The following BACH2 variants were observed in gnomAD, a reference collection of about 807,000 sequenced individuals.
BACH2 encodes the protein BACH transcriptional regulator 2, also known as transcription regulator protein BACH2.
BACH2 carries 5 observed loss-of-function variants against 61.8 expected under a neutral mutation model. The observed-to-expected ratio is 0.08, with a 90% CI of 0.04 to 0.17. The LOEUF is 0.17. BACH2 is among the 10% of genes least tolerant of loss of function. The pLI, the probability that BACH2 is intolerant of heterozygous loss-of-function variation, is 1.00. For missense variants in BACH2, 824 were observed against 1,091.1 expected, an observed-to-expected ratio of 0.76 and a Z score of 3.45; for synonymous variants, 446 against 440.1, an observed-to-expected ratio of 1.01 and a Z score of -0.17.
chr6:90,291,023 A>G (rs1772161177), intron 1 of BACH2, among the ~76,000 whole-genome samples: 1 of 152,204 alleles, frequency 6.6e-6, no homozygotes, highest in Non-Finnish European at 1.5e-5. Context: ...GGCTCTCATC[A>G]CATCAGCAGC....
chr6:90,033,701 T>G (rs1779125937), intron 5 of BACH2, among the ~76,000 whole-genome samples: 2 of 150,654 alleles, frequency 1.3e-5, no homozygotes, highest in Admixed American at 6.6e-5. Context: ...GCTCACCTGT[T>G]AAAAAAAAAC....
At chr6:90,001,917 TTTCCC>T (rs1777152537) in intron 6 of BACH2, among the ~76,000 whole-genome samples, 2 of 152,346 alleles carry the variant, frequency 1.3e-5, no homozygotes, top group South Asian at 4.1e-4. Context: ...TTTGACACCG[TTTCCC>T]TCCAGCTACT....
intron 1 of BACH2, among the ~76,000 whole-genome samples, chr6:90,295,670 T>C (rs1582577539): frequency 6.6e-6 from 1 of 151,722 alleles, no homozygotes; most frequent in Non-Finnish European, 1.5e-5. Flanking sequence ...TGTGTGTGTG[T>C]GTGTGTGTGT....
At chr6:89,947,548 T>G (rs1251366932) in intron 7 of BACH2, among the ~76,000 whole-genome samples, 1 of 152,080 alleles carries the variant, frequency 6.6e-6, no homozygotes, top group Admixed American at 6.5e-5. Flanking sequence ...TGTTCAGGAA[T>G]GCAGAAGATG....
intron 5 of BACH2, among the ~76,000 whole-genome samples, chr6:90,060,340 T>C (rs1251587172): frequency 2.6e-5 from 4 of 152,186 alleles, no homozygotes; most frequent in Non-Finnish European, 5.9e-5. Flanking sequence ...TTCCTTATAG[T>C]TCCATCTCTT....
chr6:90,273,646 C>T (rs771537789), intron 1 of BACH2, among the ~76,000 whole-genome samples: 10 of 152,110 alleles, frequency 6.6e-5, no homozygotes, highest in Non-Finnish European at 1.5e-4. Flanking sequence ...TGTCAAGGCT[C>T]GGGTCTGATT....
At chr6:89,936,178 C>A (rs539421841) in intron 8 of BACH2, among the ~76,000 whole-genome samples, 80 of 152,140 alleles carry the variant, frequency 5.3e-4, no homozygotes, top group Non-Finnish European at 1.0e-3. Flanking sequence ...GGGAGACAGA[C>A]AAATGTATAG....
In BACH2 at chr6:90,114,049, G is replaced by A. The variant is rs144675188; in HGVS notation, c.-161-24940C>T. Among the ~76,000 whole-genome samples, 975 of 152,078 alleles carry A rather than the reference G, an allele frequency of 6.4e-3. 35 individuals carry two copies. Among genetic ancestry groups the A allele is most frequent in the Admixed American group, 0.06 (908 of 15,258 alleles). On this transcript the variant is annotated intron_variant, in intron 4 of 8. Transcript: ENST00000257749. ...TAAATAGCTTAGCAACCGAAAAAGC[G>A]CAAGACCTGATGGATTCACAGCTGA...
chr6:90,265,842 C>CT, intron 2 of BACH2, among the ~76,000 whole-genome samples: 1 of 152,168 alleles, frequency 6.6e-6, no homozygotes, highest in Non-Finnish European at 1.5e-5. Context: ...CAGAGAAGCA[C>CT]TGAGAACAGA....
chr6:89,939,683 G>A (rs1448439700), intron 7 of BACH2, among the ~76,000 whole-genome samples: 1 of 27,508 alleles, frequency 3.6e-5, no homozygotes, highest in Non-Finnish European at 8.2e-5. Context: ...TTTTTTTTTT[G>A]AGACAGGGTC....
chr6:90,201,441 T>C (rs1021656812), intron 4 of BACH2, among the ~76,000 whole-genome samples: 12 of 152,196 alleles, frequency 7.9e-5, no homozygotes, highest in Non-Finnish European at 1.8e-4. Flanking sequence ...AGGTTGAACA[T>C]TTTTCTTCTA....
intron 2 of BACH2, among the ~76,000 whole-genome samples, chr6:90,263,309 T>C (rs1771223738): frequency 6.7e-6 from 1 of 149,756 alleles, no homozygotes; most frequent in Non-Finnish European, 1.5e-5. Flanking sequence ...GACATGATGA[T>C]GCCTGATGTG....
intron 5 of BACH2, among the ~76,000 whole-genome samples, chr6:90,069,750 A>G (rs568799421): frequency 6.6e-6 from 1 of 152,246 alleles, no homozygotes; most frequent in South Asian, 2.1e-4. Context: ...CAGAATGCAG[A>G]CAAGAAGGCG....
chr6:90,211,847 G>T (rs1769365617), intron 3 of BACH2, among the ~76,000 whole-genome samples: 9 of 152,176 alleles, frequency 5.9e-5, no homozygotes, highest in Admixed American at 5.9e-4. Context: ...AGTGTTAAAG[G>T]TCTCACTAGC....
At chr6:89,946,658 A>G (rs1773743038) in intron 7 of BACH2, among the ~76,000 whole-genome samples, 1 of 152,234 alleles carries the variant, frequency 6.6e-6, no homozygotes, top group South Asian at 2.1e-4. Context: ...AGCCACGTGC[A>G]TGGTAGACAG....
intron 4 of BACH2, among the ~76,000 whole-genome samples, chr6:90,124,506 C>A (rs982087501): frequency 2.6e-5 from 4 of 152,192 alleles, no homozygotes; most frequent in African/African-American, 9.6e-5. Context: ...CCTGACACAG[C>A]AGGATGTACT....
At chr6:90,223,734 C>A (rs1239514529) in intron 3 of BACH2, among the ~76,000 whole-genome samples, 2 of 152,086 alleles carry the variant, frequency 1.3e-5, no homozygotes, top group Admixed American at 6.6e-5. Context: ...CCTGAGCTCC[C>A]AAAATGCTGG....
At chr6:90,205,558 G>A (rs967453279) in intron 4 of BACH2, among the ~76,000 whole-genome samples, 1 of 152,168 alleles carries the variant, frequency 6.6e-6, no homozygotes, top group Non-Finnish European at 1.5e-5. Flanking sequence ...TCACTGCAAA[G>A]AATTACCTGG....
At chr6:90,264,247 G>A (rs1306483896) in intron 2 of BACH2, among the ~76,000 whole-genome samples, 14 of 152,072 alleles carry the variant, frequency 9.2e-5, no homozygotes, top group Admixed American at 8.5e-4. Flanking sequence ...TTGTGGTTAC[G>A]TAGGAAAATG....
Sources: gnomAD v4.1 joint callset for allele counts (sites outside exome capture counted in the v4.1 genomes callset) on GRCh38, gnomAD v4.1.1 for gene constraint, MANE v1.5 for transcripts, NCBI Gene and HGNC (gene_info 2026-07-23, HGNC 2026-07-21) for gene names.